The following CELSR1 variants were observed in gnomAD, a reference collection of about 807,000 sequenced individuals.
The protein encoded by CELSR1 is adhesion G protein-coupled receptor C1.
In CELSR1, 110 loss-of-function variants were observed where a neutral mutation model predicts 249.1. That is an observed-to-expected ratio of 0.44 (90% CI 0.38 to 0.52). The LOEUF (loss-of-function observed/expected upper bound fraction) is 0.52, where lower values mean the gene tolerates loss of function less well. Ranked by LOEUF, CELSR1 falls within the 20% of genes least tolerant of loss-of-function variation. The probability of loss-of-function intolerance (pLI) is 0.00; values close to 1 mark genes in which losing one functional copy is unlikely to be tolerated. For synonymous variants in CELSR1, 2,113 were observed against 1,900.0 expected, an observed-to-expected ratio of 1.11 and a Z score of -2.92; for missense variants, 4,109 against 4,296.4, an observed-to-expected ratio of 0.96 and a Z score of 1.22.
In CELSR1 at chr22:46,447,520, G is replaced by A. The variant is rs576830060; in HGVS notation, c.4184-8109C>T. Among the ~76,000 whole-genome samples, 1 of 152,284 alleles carries A rather than the reference G, an allele frequency of 6.6e-6. No homozygotes were observed. The highest frequency in any genetic ancestry group is 2.1e-4 in the South Asian group (1 of 4,826). On this transcript the variant is annotated intron_variant, in intron 2 of 34. Coordinates refer to ENST00000674500, the MANE Select transcript of CELSR1 (RefSeq NM_001378328.1). This position sits in a 1 kb window ranked among gnomAD's most constrained non-coding sequence, Gnocchi z 4.7. ...AGCCTCGCCTCCCACACCAAGGATAGAGTCCACCTGGGCAAACCTATTGCT... is the reference window on the plus strand; with the variant it reads ...AGCCTCGCCTCCCACACCAAGGATAAAGTCCACCTGGGCAAACCTATTGCT...
In CELSR1 at chr22:46,381,962, G is replaced by A. The variant is rs1227166061; in HGVS notation, c.6972C>T (p.Ser2324=). ...GPGTEREAPI[S]RRRRHPDDAG... ...CGTCATCAGGGTGTCGCCTCCGCCT[G>A]CTGATCGGGGCCTCCCTCTCGGTGC... Residue 2324 remains serine (S), a synonymous_variant, in exon 21 of 35, where the codon AGC becomes AGT. Coordinates refer to ENST00000674500, the MANE Select transcript of CELSR1 (RefSeq NM_001378328.1). This position sits in a 1 kb window ranked among gnomAD's most constrained non-coding sequence, Gnocchi z 6.0. 2 of 1,564,578 alleles carry A rather than the reference G, an allele frequency of 1.3e-6. No individual in the cohort carries two copies. The highest frequency in any genetic ancestry group is 1.7e-6 in the Non-Finnish European group (2 of 1,156,824).
intron 5 of CELSR1, among the ~76,000 whole-genome samples, chr22:46,420,510 C>T (rs1281156480): frequency 1.3e-5 from 2 of 152,214 alleles, no homozygotes; most frequent in Admixed American, 1.3e-4. Flanking sequence ...GTGGACACAC[C>T]CACTCACATC....
chr22:46,405,734 T>C (rs1033405774), intron 9 of CELSR1, among the ~76,000 whole-genome samples: 1 of 152,030 alleles, frequency 6.6e-6, no homozygotes, highest in Non-Finnish European at 1.5e-5. Context: ...GGCTGTGGGA[T>C]TACAATGGAG....
At position 46,536,104 on chromosome 22, in the gene CELSR1, G is replaced by A. The variant is rs1254869380; in HGVS notation, c.1067C>T (p.Ser356Leu). The A allele has an allele frequency of 5.6e-6, 9 of 1,612,184 alleles. No homozygotes were observed. Among genetic ancestry groups the A allele is most frequent in the African/African-American group, 5.3e-5 (4 of 74,950 alleles). Residue 356 changes from serine to leucine, a missense_variant, in exon 1 of 35, where the codon TCG (serine) becomes TTG (leucine). Ser to Leu is a moderately radical substitution (Grantham distance 145, BLOSUM62 -2). Coordinates refer to ENST00000674500, the MANE Select transcript of CELSR1 (RefSeq NM_001378328.1). ...TNDHSPVFEQ[S>L]EYRERVRENL... is the part of the protein sequence containing the mutation. Reference sequence around the variant, plus strand: ...CTCCCGCACGCGCTCGCGGTACTCCGACTGCTCGAAGACCGGGCTGTGGTC... The same window carrying A: ...CTCCCGCACGCGCTCGCGGTACTCCAACTGCTCGAAGACCGGGCTGTGGTC...
Position 46,536,484 on chromosome 22 carries a change from C to T in CELSR1, c.687G>A (p.Pro229=), listed in dbSNP as rs773881915. 73 of 1,592,590 alleles carry T rather than the reference C, an allele frequency of 4.6e-5. No individual in the cohort carries two copies. Among genetic ancestry groups the T allele is most frequent in the Non-Finnish European group, 6.2e-5 (73 of 1,171,070 alleles). ...TCGTGCCCCGCCGGGCCCGTCGCGCCGGCCCCGCCCGGGCTTCGGGCAAGT... is the reference window on the plus strand; with the variant it reads ...TCGTGCCCCGCCGGGCCCGTCGCGCTGGCCCCGCCCGGGCTTCGGGCAAGT... ...PPNLPEARAG[P]ARRARRGTSG... is the part of the protein sequence containing the mutation. The change falls in exon 1 of 35, where the codon CCG becomes CCA. Residue 229 remains proline (P), a synonymous_variant. Transcript: ENST00000674500.
At chr22:46,510,473 G>A (rs2079249697) in intron 1 of CELSR1, among the ~76,000 whole-genome samples, 1 of 152,156 alleles carries the variant, frequency 6.6e-6, no homozygotes, top group South Asian at 2.1e-4. Context: ...GCTCTTCAAT[G>A]TAAGGGCCCC....
In CELSR1 at chr22:46,433,175, C is replaced by T. The variant is rs2079615771; in HGVS notation, c.4611+218G>A. 1.3e-5 allele frequency among the ~76,000 whole-genome samples: 2 copies of T among 152,066 alleles called. No homozygotes were observed. The highest frequency in any genetic ancestry group is 1.3e-4 in the Admixed American group (2 of 15,278). Reference sequence around the variant, plus strand: ...CTGAGTAGCTGGGATTACAGGCACCCGCCACCACGCCCGGCTAATTTTTTA... The same window carrying T: ...CTGAGTAGCTGGGATTACAGGCACCTGCCACCACGCCCGGCTAATTTTTTA... On this transcript the variant is annotated intron_variant, in intron 5 of 34. Transcript: ENST00000674500. The surrounding 1 kb of genome is among the most constrained non-coding windows in gnomAD (Gnocchi z 5.7).
chr22:46,439,246 T>C lies in CELSR1; in HGVS notation c.4349A>G (p.Gln1450Arg), dbSNP rs2147465835. 2 of 1,614,062 alleles carry C rather than the reference T, an allele frequency of 1.2e-6. No individual in the cohort carries two copies. The highest frequency in any genetic ancestry group is 1.1e-5 in the South Asian group (1 of 91,074). The change falls in exon 3 of 35, where the codon CAG becomes CGG. Residue 1450 changes from glutamine (Q) to arginine (R), a missense_variant. Physicochemically the swap from Gln to Arg is conservative, Grantham distance 43. This residue lies in a region of CELSR1 where 453 missense variants were observed against 492.0 expected (regional missense o/e 0.92). Coordinates refer to ENST00000674500, the MANE Select transcript of CELSR1 (RefSeq NM_001378328.1). ...CAGGCCCCGGAAGGTGACGAAGGAC[T>C]GGGGCGGGAAGCTCCTGGTGGTCAC... is the stretch of plus-strand genomic sequence containing the variant. The part of the protein sequence containing the change: ...CEVTTRSFPP[Q>R]SFVTFRGLRQ...
chr22:46,533,957 G>C lies in CELSR1; in HGVS notation c.3214C>G (p.Leu1072Val). 6.2e-7 allele frequency: 1 copy of C among 1,613,344 alleles called. No individual in the cohort carries two copies. The highest frequency in any genetic ancestry group is 8.5e-7 in the Non-Finnish European group (1 of 1,180,022). ...GGAGCCGACGTGGCCTGCACCACCA[G>C]CACATACTCCCGCCGGACCTCAAAG... ...LDFEVRREYV[L>V]VVQATSAPLV... The change falls in exon 1 of 35, where the codon CTG (leucine) becomes GTG (valine). Residue 1072 changes from leucine (L) to valine (V), a missense_variant. By Grantham distance (32) the Leu-to-Val change is conservative. Around this residue, in one of 7 missense-constraint regions of CELSR1, gnomAD observed 886 missense variants for 896.5 expected, o/e 0.99. Transcript: ENST00000674500.
At position 46,463,760 on chromosome 22, in the gene CELSR1, C is replaced by T. The variant is rs1289165496; in HGVS notation, c.4130G>A (p.Arg1377His). The change falls in exon 2 of 35, where the codon CGC (arginine) becomes CAC (histidine). Residue 1377 changes from arginine to histidine, a missense_variant. Arg to His is a conservative substitution (Grantham distance 29, BLOSUM62 0). Transcript: ENST00000674500. ...CYSDPCGANG[R>H]CRSREGGYTC... ...GTAGCCGCCCTCGCGGCTGCGGCAGCGGCCGTTGGCGCCGCACGGGTCGGA... is the reference window on the plus strand; with the variant it reads ...GTAGCCGCCCTCGCGGCTGCGGCAGTGGCCGTTGGCGCCGCACGGGTCGGA... 4 of 1,546,860 alleles carry T rather than the reference C, an allele frequency of 2.6e-6. No individual in the cohort carries two copies. Among genetic ancestry groups the T allele is most frequent in the South Asian group, 2.5e-5 (2 of 80,230 alleles).
chr22:46,525,877 C>T (rs1302739126), intron 1 of CELSR1, among the ~76,000 whole-genome samples: 5 of 152,258 alleles, frequency 3.3e-5, no homozygotes, highest in Admixed American at 2.6e-4. Flanking sequence ...CTGGGGCCAG[C>T]GTGGGGTTCT....
chr22:46,415,128 G>A (rs978538218), intron 5 of CELSR1, among the ~76,000 whole-genome samples: 1 of 152,190 alleles, frequency 6.6e-6, no homozygotes, highest in African/African-American at 2.4e-5. Context: ...AGGATGGGGG[G>A]TGACTGCTAA....
At chr22:46,482,462 C>T (rs1262339218) in intron 1 of CELSR1, among the ~76,000 whole-genome samples, 1 of 152,258 alleles carries the variant, frequency 6.6e-6, no homozygotes, top group East Asian at 1.9e-4. Context: ...TTGCAATCCT[C>T]AGGGGACTCT....
chr22:46,378,232 G>A (rs948802274), intron 23 of CELSR1, among the ~76,000 whole-genome samples: 6 of 152,218 alleles, frequency 3.9e-5, no homozygotes, highest in Non-Finnish European at 8.8e-5. Flanking sequence ...GAGCGGCACC[G>A]TCCAACAGAC....
chr22:46,378,133 C>T (rs549199880), intron 23 of CELSR1, among the ~76,000 whole-genome samples: 5 of 152,366 alleles, frequency 3.3e-5, no homozygotes, highest in South Asian at 2.1e-4. Flanking sequence ...AAACATTAGC[C>T]GCCCAGCCTT....
At chr22:46,528,464 A>C (rs1400500665) in intron 1 of CELSR1, among the ~76,000 whole-genome samples, 2 of 152,226 alleles carry the variant, frequency 1.3e-5, no homozygotes, top group Non-Finnish European at 2.9e-5. Context: ...ACACAGCAGG[A>C]GAGGCAGGGA....
chr22:46,476,027 T>C lies in CELSR1; in HGVS notation c.3545-11682A>G, dbSNP rs556097673. Among the ~76,000 whole-genome samples, 21 of 152,256 alleles carry C rather than the reference T, an allele frequency of 1.4e-4. No homozygotes were observed. In the South Asian group the frequency reaches 1.7e-3, roughly 12 times the overall value. On this transcript the variant is annotated intron_variant, in intron 1 of 34. Transcript: ENST00000674500. ...CCTAAAGAAGTTGTGGGCTGAGACG[T>C]TGAGCAAGTGCATTCTTGTCAGGAG... is the stretch of plus-strand genomic sequence containing the variant.
chr22:46,491,035 C>T (rs1034965049), intron 1 of CELSR1, among the ~76,000 whole-genome samples: 5 of 152,078 alleles, frequency 3.3e-5, no homozygotes, highest in Non-Finnish European at 5.9e-5. Context: ...TGGAGGGCCC[C>T]CCAACATCCA....
In CELSR1 at chr22:46,390,090, A is replaced by G. The variant is rs540039269; in HGVS notation, c.6345+302T>C. ...GACGTGGGAACAAAAGCCATGAAAT[A>G]GGGCAGGATCAGAGGGCAAATGGAG... On this transcript the variant is annotated intron_variant, in intron 17 of 34. Transcript: ENST00000674500. This position sits in a 1 kb window ranked among gnomAD's most constrained non-coding sequence, Gnocchi z 6.3. 6.6e-6 allele frequency among the ~76,000 whole-genome samples: 1 copy of G among 152,362 alleles called. No individual in the cohort carries two copies. The highest frequency in any genetic ancestry group is 1.9e-4 in the East Asian group (1 of 5,188).
Sources: allele counts gnomAD v4.1 joint callset (sites outside exome capture counted in the v4.1 genomes callset), GRCh38; gene constraint gnomAD v4.1.1; regional missense constraint gnomAD v4.1.1; non-coding constraint Gnocchi (gnomAD v3.1); transcripts MANE v1.5; gene names NCBI Gene and HGNC (gene_info 2026-07-23, HGNC 2026-07-21).